Variants in FAF1 observed in about 807,000 individuals in gnomAD.
FAF1 encodes the protein Fas associated factor 1.
In FAF1, 25 loss-of-function variants were observed where a neutral mutation model predicts 92.5. The observed-to-expected ratio is 0.27, with a 90% CI of 0.20 to 0.38. The LOEUF (loss-of-function observed/expected upper bound fraction) is 0.38, where lower values mean the gene tolerates loss of function less well. Ranked by LOEUF, FAF1 falls within the 10% of genes least tolerant of loss-of-function variation. FAF1 has a pLI of 1.00. For synonymous variants in FAF1, 234 were observed against 273.2 expected (o/e 0.86, Z 1.42); for missense variants, 636 against 793.3 (o/e 0.80, Z 2.38).
At chr1:50,804,053 A>G (rs556133744) in intron 2 of FAF1, among the ~76,000 whole-genome samples, 8 of 152,198 alleles carry the variant, frequency 5.3e-5, no homozygotes, top group South Asian at 2.1e-4. Flanking sequence ...AATTTTGAAC[A>G]TGTTAACTTT....
intron 1 of FAF1, among the ~76,000 whole-genome samples, chr1:50,895,227 CCATGACCACCTA>C (rs1352014884): frequency 6.6e-6 from 1 of 152,036 alleles, no homozygotes; most frequent in African/African-American, 2.4e-5. Context: ...TTAGAGGCTA[CCATGACCACCTA>C]CATGCCAATA....
At chr1:50,638,445 C>CTTTTTTTTTTTTTTTTTTT (rs35054798) in intron 8 of FAF1, among the ~76,000 whole-genome samples, 2 of 131,628 alleles carry the variant, frequency 1.5e-5, no homozygotes, top group African/African-American at 2.9e-5. Flanking sequence ...TTTTCTTTTT[C>CTTTTTTTTTTTTTTTTTTT]TTTTTTTTTT....
At chr1:50,678,641 A>G (rs976335025) in intron 7 of FAF1, among the ~76,000 whole-genome samples, 1 of 151,590 alleles carries the variant, frequency 6.6e-6, no homozygotes, top group Non-Finnish European at 1.5e-5. Flanking sequence ...TTAGCTGGGC[A>G]TGGCAGCAGG....
intron 2 of FAF1, among the ~76,000 whole-genome samples, chr1:50,848,859 C>T (rs59390962): frequency 0.066 from 10,089 of 152,134 alleles, 413 homozygotes; most frequent in East Asian, 0.094. Flanking sequence ...GCTACAGAGA[C>T]GTGAAAACTA....
At chr1:50,825,915 T>TAACTC (rs986548235) in intron 2 of FAF1, among the ~76,000 whole-genome samples, 1 of 152,066 alleles carries the variant, frequency 6.6e-6, no homozygotes, top group Non-Finnish European at 1.5e-5. Context: ...TACCTCAAAA[T>TAACTC]AACTCTCAGG....
intron 4 of FAF1, chr1:50,780,733 G>A: frequency 3.4e-6 from 1 of 292,580 alleles, no homozygotes; most frequent in East Asian, 9.7e-5. Context: ...GTGGTGACTT[G>A]CTCTGATGCT....
chr1:50,601,539 C>T (rs572154797), intron 8 of FAF1, among the ~76,000 whole-genome samples: 142 of 152,062 alleles, frequency 9.3e-4, no homozygotes, highest in Non-Finnish European at 1.6e-3. Context: ...AAAACTAGCT[C>T]GGCATGGTGG....
intron 1 of FAF1, among the ~76,000 whole-genome samples, chr1:50,904,810 T>C (rs766093126): frequency 4.6e-5 from 7 of 152,072 alleles, no homozygotes; most frequent in African/African-American, 1.2e-4. Flanking sequence ...CAAATATAAC[T>C]ACTACCCAAC....
chr1:50,764,729 T>C (rs1040612365), intron 4 of FAF1, among the ~76,000 whole-genome samples: 3 of 152,220 alleles, frequency 2.0e-5, no homozygotes, highest in Non-Finnish European at 2.9e-5. Flanking sequence ...AGGTACTATA[T>C]CAGTTATTCC....
intron 2 of FAF1, among the ~76,000 whole-genome samples, chr1:50,830,525 A>C (rs1295975347): frequency 6.6e-6 from 1 of 152,256 alleles, no homozygotes; most frequent in Admixed American, 6.5e-5. Flanking sequence ...CAGACTGACC[A>C]TCTCAGCAAC....
intron 1 of FAF1, among the ~76,000 whole-genome samples, chr1:50,866,923 AC>A (rs1179358295): frequency 6.6e-6 from 1 of 152,148 alleles, no homozygotes; most frequent in Admixed American, 6.6e-5. Context: ...GCATAACATT[AC>A]CCAACTTCAA....
intron 8 of FAF1, among the ~76,000 whole-genome samples, chr1:50,624,757 G>A (rs1290390841): frequency 3.9e-5 from 6 of 152,032 alleles, no homozygotes; most frequent in Admixed American, 3.9e-4. Flanking sequence ...ATATTCCCTT[G>A]GTGTGACTTA....
intron 6 of FAF1, among the ~76,000 whole-genome samples, chr1:50,724,869 A>C (rs1658579353): frequency 6.6e-6 from 1 of 152,170 alleles, no homozygotes; most frequent in Non-Finnish European, 1.5e-5. Flanking sequence ...GCTTACCATG[A>C]GATCTCTAAG....
intron 15 of FAF1, among the ~76,000 whole-genome samples, chr1:50,512,478 A>G (rs1298062557): frequency 2.0e-5 from 3 of 152,164 alleles, no homozygotes; most frequent in African/African-American, 7.2e-5. Flanking sequence ...TTTTCCCAAC[A>G]CTATTTATTA....
At chr1:50,614,336 C>T (rs1260594384) in intron 8 of FAF1, among the ~76,000 whole-genome samples, 1 of 151,964 alleles carries the variant, frequency 6.6e-6, no homozygotes, top group East Asian at 1.9e-4. Flanking sequence ...TTGTGTACTA[C>T]TAAGTCCGAT....
intron 13 of FAF1, among the ~76,000 whole-genome samples, chr1:50,562,479 A>C (rs1210722765): frequency 6.6e-6 from 1 of 152,238 alleles, no homozygotes; most frequent in African/African-American, 2.4e-5. Flanking sequence ...TTTAGTAAAG[A>C]AGAGCAAAAT....
intron 15 of FAF1, among the ~76,000 whole-genome samples, chr1:50,512,874 TTC>T (rs1188226909): frequency 6.6e-6 from 1 of 152,102 alleles, no homozygotes; most frequent in Non-Finnish European, 1.5e-5. Context: ...TGAGCAAGGT[TTC>T]TCTTTTTATT....
At chr1:50,919,284 T>C (rs1277031774) in intron 1 of FAF1, among the ~76,000 whole-genome samples, 1 of 151,830 alleles carries the variant, frequency 6.6e-6, no homozygotes, top group African/African-American at 2.4e-5. Context: ...GTTTTCATGC[T>C]GGAGGGAAAT....
chr1:50,565,146 A>G (rs1650117233), intron 13 of FAF1, among the ~76,000 whole-genome samples: 1 of 152,080 alleles, frequency 6.6e-6, no homozygotes, highest in Non-Finnish European at 1.5e-5. Context: ...ATAGAGAAAT[A>G]TAACACCTTT....
Sources: allele counts gnomAD v4.1 joint callset (sites outside exome capture counted in the v4.1 genomes callset), GRCh38; gene constraint gnomAD v4.1.1; transcripts MANE v1.5; gene names NCBI Gene and HGNC (gene_info 2026-07-23, HGNC 2026-07-21).